The following PALLD variants were observed in gnomAD, a reference collection of about 807,000 sequenced individuals.
The protein encoded by PALLD is palladin, cytoskeletal associated protein.
PALLD carries 61 observed loss-of-function variants against 123.5 expected under a neutral mutation model. The observed-to-expected ratio is 0.49, with a 90% CI of 0.40 to 0.61. The LOEUF is 0.61. Ranked by LOEUF, PALLD falls within the 20% of genes least tolerant of loss-of-function variation. The probability of loss-of-function intolerance (pLI) is 0.00; values close to 1 mark genes in which losing one functional copy is unlikely to be tolerated. For synonymous variants in PALLD, 465 were observed against 496.4 expected (o/e 0.94, Z 0.84); for missense variants, 1,273 against 1,377.0 (o/e 0.92, Z 1.20).
intron 10 of PALLD, among the ~76,000 whole-genome samples, chr4:168,870,437 A>G (rs1750926271): frequency 6.6e-6 from 1 of 152,238 alleles, no homozygotes. Context: ...AAGATTTACC[A>G]TGGAATTGTT....
rs536269225 is a variant in PALLD, at chr4:168,537,238, G to T, written c.908+24826G>T. On this transcript the variant is annotated intron_variant, in intron 2 of 21. Transcript: ENST00000505667. The stretch of plus-strand genomic sequence containing the variant: ...GCTTAGGGTGAGAACACAGGACTGA[G>T]GAAATAATTGGGCACAAAAAACAGC... Among the ~76,000 whole-genome samples, 4 of 152,318 alleles carry T rather than the reference G, an allele frequency of 2.6e-5. No individual in the cohort carries two copies. The South Asian group carries it at 8.3e-4, about 32-fold the overall frequency.
Position 168,926,390 on chromosome 4 carries a change from G to C in PALLD, c.*210G>C. The C allele has an allele frequency of 1.3e-6, 2 of 1,535,056 alleles. No individual in the cohort carries two copies. The highest frequency in any genetic ancestry group is 2.4e-5 in the South Asian group (2 of 83,918). ...GTAGAAAGTGAGGACCTGTAATCCAGCATTCTTGTTAAAGCTGAAACACTG... is the reference window on the plus strand; with the variant it reads ...GTAGAAAGTGAGGACCTGTAATCCACCATTCTTGTTAAAGCTGAAACACTG... On this transcript the variant is annotated 3_prime_UTR_variant, in exon 22 of 22. Transcript: ENST00000505667.
chr4:168,508,310 T>A (rs17540932), intron 1 of PALLD, among the ~76,000 whole-genome samples: 59,748 of 152,026 alleles, frequency 0.39, 12,557 homozygotes, highest in East Asian at 0.59. Context: ...AAAAAAGACA[T>A]ACTCAATTAT....
At chr4:168,603,026 C>T (rs1018915288) in intron 2 of PALLD, among the ~76,000 whole-genome samples, 30 of 152,148 alleles carry the variant, frequency 2.0e-4, no homozygotes, top group African/African-American at 6.8e-4. Flanking sequence ...CCTTGGCCTC[C>T]CAAAGTGCTG....
intron 12 of PALLD, among the ~76,000 whole-genome samples, chr4:168,895,074 C>T (rs962986716): frequency 2.0e-5 from 3 of 152,160 alleles, no homozygotes; most frequent in Admixed American, 1.3e-4. Context: ...GGGGGACCAA[C>T]CCCAAGCACA....
intron 2 of PALLD, among the ~76,000 whole-genome samples, chr4:168,576,329 C>A (rs1769582340): frequency 6.6e-6 from 1 of 151,960 alleles, no homozygotes; most frequent in Admixed American, 6.6e-5. Context: ...TGGTGTGCTG[C>A]ACCCAGTAAC....
rs937059955 is a variant in PALLD, at chr4:168,928,440, A to G, written c.*2260A>G. The G allele has an allele frequency of 1.1e-5, 2 of 178,548 alleles. No homozygotes were observed. The highest frequency in any genetic ancestry group is 1.9e-4 in the East Asian group (2 of 10,646). 11.1% of individuals were successfully genotyped at this position (178,548 alleles called of 1,614,324 possible). ...TAATAGTTGCAGTTTTGTGAAGCAA[A>G]ATAAATATTCAGTTTTAGTTTTCTG... is the stretch of plus-strand genomic sequence containing the variant. On this transcript the variant is annotated 3_prime_UTR_variant, in exon 22 of 22. Transcript: ENST00000505667.
intron 10 of PALLD, among the ~76,000 whole-genome samples, chr4:168,765,945 C>T (rs971322478): frequency 6.6e-6 from 1 of 152,200 alleles, no homozygotes; most frequent in Non-Finnish European, 1.5e-5. Flanking sequence ...AATGAAAATG[C>T]TTTGAATGTT....
chr4:168,663,370 G>A (rs181805800), intron 2 of PALLD, among the ~76,000 whole-genome samples: 1 of 152,320 alleles, frequency 6.6e-6, no homozygotes, highest in South Asian at 2.1e-4. Context: ...AAAGGGATAG[G>A]TGAGGCAAGG....
At chr4:168,895,103 G>T (rs1754823963) in intron 12 of PALLD, among the ~76,000 whole-genome samples, 1 of 152,196 alleles carries the variant, frequency 6.6e-6, no homozygotes, top group African/African-American at 2.4e-5. Flanking sequence ...CCCACATATG[G>T]CCGGGCACAG....
intron 2 of PALLD, among the ~76,000 whole-genome samples, chr4:168,523,900 A>G (rs1763807772): frequency 6.6e-6 from 1 of 152,164 alleles, no homozygotes; most frequent in South Asian, 2.1e-4. Flanking sequence ...TTTCTTACAG[A>G]GCTATTAACA....
At chr4:168,501,383 C>A (rs1427785751) in intron 1 of PALLD, among the ~76,000 whole-genome samples, 1 of 151,928 alleles carries the variant, frequency 6.6e-6, no homozygotes, top group Non-Finnish European at 1.5e-5. Flanking sequence ...CATCGCACTA[C>A]TACAGCAGGG....
chr4:168,620,492 C>A (rs1405641703), intron 2 of PALLD, among the ~76,000 whole-genome samples: 2 of 151,962 alleles, frequency 1.3e-5, no homozygotes, highest in African/African-American at 2.4e-5. Flanking sequence ...GGGCAAAAAA[C>A]CAGGGAACTC....
intron 17 of PALLD, among the ~76,000 whole-genome samples, chr4:168,917,055 T>C (rs1378847358): frequency 2.7e-5 from 4 of 149,112 alleles, no homozygotes; most frequent in Non-Finnish European, 4.5e-5. Context: ...TGGGGTTTTT[T>C]TTTTTTTTTT....
chr4:168,866,229 T>C (rs1392324729), intron 10 of PALLD, among the ~76,000 whole-genome samples: 1 of 152,214 alleles, frequency 6.6e-6, no homozygotes, highest in Non-Finnish European at 1.5e-5. Flanking sequence ...GACACCACTT[T>C]ACTCCAGCCT....
intron 15 of PALLD, among the ~76,000 whole-genome samples, chr4:168,905,680 C>A (rs1376100264): frequency 1.3e-5 from 2 of 151,648 alleles, no homozygotes; most frequent in Admixed American, 1.3e-4. Flanking sequence ...TCAATGAATA[C>A]ATGACCATCA....
At chr4:168,919,244 G>T (rs1205369064) in intron 17 of PALLD, among the ~76,000 whole-genome samples, 2 of 152,090 alleles carry the variant, frequency 1.3e-5, no homozygotes, top group Non-Finnish European at 2.9e-5. Context: ...TGAAAAATCG[G>T]CCAGGCACGT....
intron 2 of PALLD, among the ~76,000 whole-genome samples, chr4:168,628,425 C>T (rs1561321350): frequency 6.6e-6 from 1 of 152,192 alleles, no homozygotes; most frequent in Non-Finnish European, 1.5e-5. Context: ...TCTGGCTGTC[C>T]TGTCTCTCTG....
intron 2 of PALLD, among the ~76,000 whole-genome samples, chr4:168,587,350 C>T (rs1478845848): frequency 6.6e-6 from 1 of 152,162 alleles, no homozygotes; most frequent in Non-Finnish European, 1.5e-5. Context: ...ATATTTTTCA[C>T]GTTTTGCTTG....
Sources: allele counts gnomAD v4.1 joint callset (sites outside exome capture counted in the v4.1 genomes callset), GRCh38; gene constraint gnomAD v4.1.1; transcripts MANE v1.5; gene names NCBI Gene and HGNC (gene_info 2026-07-23, HGNC 2026-07-21).